Variants in SNX30 observed in about 807,000 individuals in gnomAD.
SNX30 encodes sorting nexin family member 30.
SNX30 carries 24 observed loss-of-function variants against 46.4 expected under a neutral mutation model. The observed-to-expected ratio is 0.52, with a 90% confidence interval of 0.37 to 0.73. The LOEUF (loss-of-function observed/expected upper bound fraction) is 0.73, where lower values mean the gene tolerates loss of function less well. Ranked by LOEUF, SNX30 falls within the 30% of genes least tolerant of loss-of-function variation. SNX30 has a pLI of 0.00. For synonymous variants in SNX30, 189 were observed against 211.5 expected, an observed-to-expected ratio of 0.89 and a Z score of 0.92; for missense variants, 533 against 555.7, an observed-to-expected ratio of 0.96 and a Z score of 0.41.
chr9:112,846,310 C>T (rs541819284), intron 6 of SNX30, among the ~76,000 whole-genome samples: 47 of 152,168 alleles, frequency 3.1e-4, no homozygotes, highest in Non-Finnish European at 5.7e-4. Context: ...TGACTTCTCC[C>T]CCTCCTTTAA....
At chr9:112,883,155 G>A (rs1173899964), downstream of SNX30, among the ~76,000 whole-genome samples, 22 of 152,184 alleles carry the variant, frequency 1.4e-4, no homozygotes, top group Non-Finnish European at 2.9e-4. Context: ...AGTCAGACTG[G>A]AGTGAGAAGA....
intron 1 of SNX30, among the ~76,000 whole-genome samples, chr9:112,785,442 G>T (rs1839907866): frequency 6.6e-6 from 1 of 151,068 alleles, no homozygotes; most frequent in Admixed American, 6.6e-5. Context: ...GGAGTGCAGT[G>T]GCACAATCTC....
intron 7 of SNX30, among the ~76,000 whole-genome samples, chr9:112,853,044 G>A (rs192767307): frequency 7.9e-5 from 12 of 152,282 alleles, no homozygotes; most frequent in Admixed American, 4.6e-4. Context: ...TTCTTTCCCC[G>A]TTTCGTGGGT....
intron 7 of SNX30, among the ~76,000 whole-genome samples, chr9:112,863,804 A>G (rs1243278243): frequency 1.3e-5 from 2 of 152,246 alleles, no homozygotes; most frequent in East Asian, 1.9e-4. Context: ...GGAATAGTTC[A>G]TGTGATCTGG....
intron 5 of SNX30, 59 bp from the exon 6 acceptor site, chr9:112,838,439 C>A: frequency 1.4e-6 from 2 of 1,443,040 alleles, no homozygotes; most frequent in South Asian, 2.6e-5. Context: ...ATTACTGAGT[C>A]AGTAATAGCA....
At chr9:112,882,446 T>G (rs564466187), downstream of SNX30, among the ~76,000 whole-genome samples, 1 of 152,262 alleles carries the variant, frequency 6.6e-6, no homozygotes, top group African/African-American at 2.4e-5. Context: ...GAAAGCCAAG[T>G]GCAGGGCTTT....
intron 2 of SNX30, among the ~76,000 whole-genome samples, chr9:112,814,666 G>T (rs927739556): frequency 9.3e-4 from 141 of 152,266 alleles, no homozygotes; most frequent in African/African-American, 2.9e-3. Flanking sequence ...AAACAAAGAT[G>T]ATGTATTATT....
downstream of SNX30, among the ~76,000 whole-genome samples, chr9:112,881,990 G>A (rs2131539633): frequency 6.6e-6 from 1 of 152,344 alleles, no homozygotes. Flanking sequence ...GGAGGCGACT[G>A]TGGCTGAGGG....
At chr9:112,785,655 A>T (rs1212891094) in intron 1 of SNX30, among the ~76,000 whole-genome samples, 1 of 152,068 alleles carries the variant, frequency 6.6e-6, no homozygotes. Flanking sequence ...AAGTGCTGGG[A>T]TTACAGGCAT....
chr9:112,879,767 T>C, downstream of SNX30: 1 of 1,612,268 alleles, frequency 6.2e-7, no homozygotes, highest in Non-Finnish European at 8.5e-7. Context: ...CATCTTCATT[T>C]CTCTATGATG....
chr9:112,868,740 C>T lies in SNX30; in HGVS notation c.1255-44C>T, dbSNP rs767438204. 4.3e-6 allele frequency: 7 copies of T among 1,610,504 alleles called. No individual in the cohort carries two copies. The Admixed American group carries it at 5.0e-5, about 12-fold the overall frequency. On this transcript the variant is annotated intron_variant, in intron 8 of 8. Coordinates refer to ENST00000374232, the MANE Select transcript of SNX30 (RefSeq NM_001012994.2). ...AGCAGAATTGAAGCTGACCCGAAAT[C>T]GGAAACTCAAAGCTGATACTGTGTG...
intron 6 of SNX30, among the ~76,000 whole-genome samples, chr9:112,843,394 C>T (rs1050127865): frequency 2.0e-5 from 3 of 152,000 alleles, no homozygotes; most frequent in Admixed American, 6.6e-5. Flanking sequence ...AAGGGAAAGC[C>T]ACATGGAAAA....
chr9:112,858,176 A>C (rs1452086759), intron 7 of SNX30, among the ~76,000 whole-genome samples: 1 of 152,222 alleles, frequency 6.6e-6, no homozygotes, highest in African/African-American at 2.4e-5. Context: ...GCATGGTAGC[A>C]CAACCGTAAC....
chr9:112,854,168 G>T (rs940682309), intron 7 of SNX30, among the ~76,000 whole-genome samples: 2 of 152,210 alleles, frequency 1.3e-5, no homozygotes, highest in Non-Finnish European at 2.9e-5. Flanking sequence ...ATAATAGGCT[G>T]AGTTAAGTCT....
At chr9:112,833,194 C>A (rs1273203206) in intron 4 of SNX30, among the ~76,000 whole-genome samples, 5 of 152,136 alleles carry the variant, frequency 3.3e-5, no homozygotes, top group African/African-American at 1.2e-4. Flanking sequence ...AATGGCAGCA[C>A]CCTATTCCCC....
At chr9:112,763,360 CTTTTTTTTTTTTTT>C (rs751720343) in intron 1 of SNX30, among the ~76,000 whole-genome samples, 1 of 47,566 alleles carries the variant, frequency 2.1e-5, no homozygotes, top group Non-Finnish European at 3.4e-5. Context: ...GCTATTTAAA[CTTTTTTTTTTTTTT>C]TTTTTTTTTT....
At chr9:112,855,568 G>A (rs954213242) in intron 7 of SNX30, among the ~76,000 whole-genome samples, 25 of 152,164 alleles carry the variant, frequency 1.6e-4, no homozygotes, top group Admixed American at 1.5e-3. Context: ...GAATTTCAAC[G>A]TGGGGTGATC....
chr9:112,770,140 G>A (rs574683290), intron 1 of SNX30, among the ~76,000 whole-genome samples: 23 of 151,936 alleles, frequency 1.5e-4, no homozygotes, highest in African/African-American at 4.6e-4. Flanking sequence ...AACATCAGTC[G>A]CATCATGTCT....
At chr9:112,865,177 A>G (rs1841303668) in intron 8 of SNX30, among the ~76,000 whole-genome samples, 1 of 123,104 alleles carries the variant, frequency 8.1e-6, no homozygotes, top group African/African-American at 3.2e-5. Flanking sequence ...CCCCCCACAC[A>G]CGACACCCAC....
Sources: gnomAD v4.1 joint callset for allele counts (sites outside exome capture counted in the v4.1 genomes callset) on GRCh38, gnomAD v4.1.1 for gene constraint, MANE v1.5 for transcripts, NCBI Gene and HGNC (gene_info 2026-07-23, HGNC 2026-07-21) for gene names.